The following CCDC73 variants were observed in gnomAD, a reference collection of about 807,000 sequenced individuals.
The protein encoded by CCDC73 is coiled-coil domain-containing protein 73.
A neutral mutation model predicts 116.5 loss-of-function variants in CCDC73; 95 were observed. The ratio of observed to expected loss-of-function variants is 0.82; its 90% CI spans 0.69 to 0.97. The LOEUF is 0.97. Ranked by LOEUF, CCDC73 falls within the 50% of genes least tolerant of loss-of-function variation. CCDC73 has a pLI of 0.00. For synonymous variants in CCDC73, 398 were observed against 401.3 expected, an observed-to-expected ratio of 0.99 and a Z score of 0.10; for missense variants, 1,066 against 1,206.8, an observed-to-expected ratio of 0.88 and a Z score of 1.73.
At chr11:32,683,484 C>A (rs145851301) in intron 7 of CCDC73, 52 bp downstream of exon 7, 1 of 1,142,448 alleles carries the variant, frequency 8.8e-7, no homozygotes, top group African/African-American at 1.5e-5. Flanking sequence ...AAACACCAAT[C>A]CCCCTAAGTA....
chr11:32,785,018 TA>T (rs1850615428), intron 1 of CCDC73, among the ~76,000 whole-genome samples: 1 of 151,896 alleles, frequency 6.6e-6, no homozygotes, highest in African/African-American at 2.4e-5. Flanking sequence ...TACTAAAAAT[TA>T]GACAGGCGTG....
At chr11:32,673,373 C>T (rs1048697789) in intron 9 of CCDC73, among the ~76,000 whole-genome samples, 4 of 151,848 alleles carry the variant, frequency 2.6e-5, no homozygotes, top group East Asian at 1.9e-4. Flanking sequence ...CCTAAAACTG[C>T]TCTAAAAATA....
At chr11:32,685,240 T>C (rs931122831) in intron 6 of CCDC73, among the ~76,000 whole-genome samples, 5 of 117,634 alleles carry the variant, frequency 4.3e-5, no homozygotes, top group South Asian at 2.6e-4. Context: ...AGCATTGATA[T>C]AGACATTGGG....
At chr11:32,750,901 T>C (rs925932739) in intron 2 of CCDC73, among the ~76,000 whole-genome samples, 1 of 152,164 alleles carries the variant, frequency 6.6e-6, no homozygotes, top group Admixed American at 6.5e-5. Flanking sequence ...ATAGCCACCA[T>C]AGCTGTGAAT....
intron 9 of CCDC73, among the ~76,000 whole-genome samples, chr11:32,657,653 A>G (rs2133266331): frequency 6.6e-6 from 1 of 152,212 alleles, no homozygotes; most frequent in Non-Finnish European, 1.5e-5. Context: ...TCAGTAGGCT[A>G]TAAAGAGAAA....
At chr11:32,755,344 G>C (rs1035977656) in intron 2 of CCDC73, among the ~76,000 whole-genome samples, 2 of 145,074 alleles carry the variant, frequency 1.4e-5, no homozygotes, top group African/African-American at 5.0e-5. Context: ...GGCCAGCCTG[G>C]CCAACATGGT....
chr11:32,786,145 T>G (rs1850624384), intron 1 of CCDC73, among the ~76,000 whole-genome samples: 1 of 151,862 alleles, frequency 6.6e-6, no homozygotes, highest in African/African-American at 2.4e-5. Flanking sequence ...TATCTAAAAA[T>G]GCATACGCCT....
intron 2 of CCDC73, among the ~76,000 whole-genome samples, chr11:32,752,549 G>C (rs747746390): frequency 6.6e-6 from 1 of 152,116 alleles, no homozygotes; most frequent in Non-Finnish European, 1.5e-5. Context: ...ACTCATTCCT[G>C]AAAACTCCAG....
At chr11:32,669,937 A>G (rs1856020869) in intron 9 of CCDC73, among the ~76,000 whole-genome samples, 1 of 152,190 alleles carries the variant, frequency 6.6e-6, no homozygotes, top group Non-Finnish European at 1.5e-5. Context: ...GAGTGCAGAT[A>G]TCTCTTCAAT....
chr11:32,700,030 TATC>T (rs1443510810), intron 5 of CCDC73, among the ~76,000 whole-genome samples: 3 of 151,630 alleles, frequency 2.0e-5, no homozygotes, highest in African/African-American at 7.2e-5. Flanking sequence ...TGGTTACAAT[TATC>T]ATGAAATAGA....
chr11:32,621,586 C>A (rs971006350), intron 14 of CCDC73, among the ~76,000 whole-genome samples: 5 of 151,982 alleles, frequency 3.3e-5, no homozygotes, highest in African/African-American at 9.7e-5. Flanking sequence ...GAAAACCTAC[C>A]CAATACCATT....
the CCDC73 span, among the ~76,000 whole-genome samples, chr11:32,807,039 A>G: frequency 6.6e-6 from 1 of 152,226 alleles, no homozygotes; most frequent in African/African-American, 2.4e-5. Context: ...GAGCTTCTAC[A>G]GCCCTTCCTA....
intron 2 of CCDC73, among the ~76,000 whole-genome samples, chr11:32,755,927 C>CTA (rs772307704): frequency 4.1e-5 from 1 of 24,240 alleles, no homozygotes; most frequent in Non-Finnish European, 6.9e-5. Flanking sequence ...ATATATATAT[C>CTA]TATATATATA....
intron 2 of CCDC73, among the ~76,000 whole-genome samples, chr11:32,747,328 C>T (rs961509098): frequency 9.2e-5 from 14 of 152,060 alleles, no homozygotes; most frequent in African/African-American, 2.9e-4. Context: ...GGGGCACCTG[C>T]CTATATGAGG....
the CCDC73 span, among the ~76,000 whole-genome samples, chr11:32,813,155 C>G: frequency 6.6e-6 from 1 of 151,904 alleles, no homozygotes; most frequent in African/African-American, 2.4e-5. Context: ...TGTGAATTGT[C>G]TTTTCAATTT....
the CCDC73 span, among the ~76,000 whole-genome samples, chr11:32,801,502 G>A: frequency 3.9e-5 from 6 of 152,042 alleles, no homozygotes; most frequent in Admixed American, 6.6e-5. Context: ...TTAGCCCGGC[G>A]TGGTGGCACA....
chr11:32,710,260 G>A (rs1849887965), intron 3 of CCDC73, among the ~76,000 whole-genome samples: 1 of 152,024 alleles, frequency 6.6e-6, no homozygotes, highest in South Asian at 2.1e-4. Context: ...CTCCAGTTCT[G>A]TGAGGTGTGA....
At chr11:32,807,399 G>T in the CCDC73 span, among the ~76,000 whole-genome samples, 1 of 152,140 alleles carries the variant, frequency 6.6e-6, no homozygotes, top group Non-Finnish European at 1.5e-5. Context: ...AAATTCAAGA[G>T]TAAGAGCTAC....
Position 32,675,920 on chromosome 11 carries a change from C to G in CCDC73, c.531G>C (p.Leu177Phe), listed in dbSNP as rs1430769576. ...CTAACTTTTCATGATTCTCTTTTAC[C>G]AATCCAAATTGACCTGTTATTGTGG... ...YYATITGQFG[L>F]VKENHEKLEQ... The change falls in exon 8 of 18, where the codon TTG becomes TTC. Residue 177 changes from leucine to phenylalanine, a missense_variant. Physicochemically the swap from Leu to Phe is conservative, Grantham distance 22. Transcript: ENST00000335185. 1 of 1,606,668 alleles carries G rather than the reference C, an allele frequency of 6.2e-7. No homozygotes were observed. The highest frequency in any genetic ancestry group is 2.2e-5 in the East Asian group (1 of 44,522).
Sources: gnomAD v4.1 joint callset for allele counts (sites outside exome capture counted in the v4.1 genomes callset) on GRCh38, gnomAD v4.1.1 for gene constraint, MANE v1.5 for transcripts, NCBI Gene and HGNC (gene_info 2026-07-23, HGNC 2026-07-21) for gene names.